COL7A1: variants seen among roughly 807,000 people sequenced by gnomAD.
The protein encoded by COL7A1 is collagen type VII alpha 1 chain.
COL7A1 carries 296 observed loss-of-function variants against 456.2 expected under a neutral mutation model. The ratio of observed to expected loss-of-function variants is 0.65; its 90% CI spans 0.59 to 0.71. The LOEUF (loss-of-function observed/expected upper bound fraction) is 0.71, where lower values mean the gene tolerates loss of function less well. COL7A1 is among the 30% of genes least tolerant of loss of function. The pLI, the probability that COL7A1 is intolerant of heterozygous loss-of-function variation, is 0.00. For synonymous variants in COL7A1, 1,464 were observed against 1,525.9 expected (o/e 0.96, Z 0.95); for missense variants, 3,441 against 4,017.2 (o/e 0.86, Z 3.88).
chr3:48,576,580 G>A, intron 68 of COL7A1, 23 bp from the exon 69 acceptor site: 1 of 1,603,802 alleles, frequency 6.2e-7, no homozygotes, highest in South Asian at 1.1e-5. Flanking sequence ...AGAACACAAA[G>A]GGGTCACAAA....
rs981787346 is a variant in COL7A1, at chr3:48,568,961, G to C, written c.7687-106C>G. The C allele has an allele frequency of 9.0e-6, 10 of 1,107,502 alleles. No homozygotes were observed. The highest frequency in any genetic ancestry group is 1.2e-5 in the Non-Finnish European group (9 of 751,402). The allele number at this position is 1,107,502 out of a possible 1,614,324, so 68.6% of individuals were successfully genotyped here. ...GGCAGAGCTCAAGTCACTCCCGAACGGCCCTAGCAGCACGTCCTCCCAGCC... is the reference window on the plus strand; with the variant it reads ...GGCAGAGCTCAAGTCACTCCCGAACCGCCCTAGCAGCACGTCCTCCCAGCC... On this transcript the variant is annotated intron_variant, in intron 103 of 118. Transcript: ENST00000681320. The surrounding 1 kb of genome is among the most constrained non-coding windows in gnomAD (Gnocchi z 5.2).
Position 48,588,384 on chromosome 3 carries a change from G to T in COL7A1, c.2608C>A (p.Leu870Met). The T allele has an allele frequency of 3.7e-6, 6 of 1,611,314 alleles. No individual in the cohort carries two copies. The highest frequency in any genetic ancestry group is 4.2e-6 in the Non-Finnish European group (5 of 1,179,844). ...CGCTGCACCACGTGAAGCGTCCCCA[G>T]GGCTGGCGGAGCCTCAGGCGCTGGA... ...VTTPPEAPPA[L>M]GTLHVVQRGE... Residue 870 changes from leucine to methionine, a missense_variant, in exon 21 of 119, where the codon CTG becomes ATG. Physicochemically the swap from Leu to Met is conservative, Grantham distance 15 (BLOSUM62 2). Around this residue, in one of 3 missense-constraint regions of COL7A1, gnomAD observed 444 missense variants for 427.6 expected, o/e 1.04. Transcript: ENST00000681320. The surrounding 1 kb of genome is among the most constrained non-coding windows in gnomAD (Gnocchi z 4.6).
Position 48,564,485 on chromosome 3 carries a change from G to C in COL7A1, c.8819-63C>G. 1 of 1,599,700 alleles carries C rather than the reference G, an allele frequency of 6.3e-7. No individual in the cohort carries two copies. The highest frequency in any genetic ancestry group is 8.6e-7 in the Non-Finnish European group (1 of 1,169,050). On this transcript the variant is annotated intron_variant, in intron 118 of 118. Coordinates refer to ENST00000681320, the MANE Select transcript of COL7A1 (RefSeq NM_000094.4). The surrounding 1 kb of genome is among the most constrained non-coding windows in gnomAD (Gnocchi z 6.0). The stretch of plus-strand genomic sequence containing the variant: ...GACCTTCCCCGGAGACGCTCAGGCA[G>C]AGGCACCGCCAAGGGGAGGGAGCGG...
Position 48,571,362 on chromosome 3 carries a change from A to C in COL7A1, c.7069-84T>G. The C allele has an allele frequency of 6.5e-7, 1 of 1,543,582 alleles. No individual in the cohort carries two copies. Among genetic ancestry groups the C allele is most frequent in the Non-Finnish European group, 8.9e-7 (1 of 1,119,874 alleles). Reference sequence around the variant, plus strand: ...CACGGGCTGAAAATATTCCCAGGGGAGTTCTGATGTGACCATGAACACATG... The same window carrying C: ...CACGGGCTGAAAATATTCCCAGGGGCGTTCTGATGTGACCATGAACACATG... On this transcript the variant is annotated intron_variant, in intron 92 of 118. Coordinates refer to ENST00000681320, the MANE Select transcript of COL7A1 (RefSeq NM_000094.4). This position sits in a 1 kb window ranked among gnomAD's most constrained non-coding sequence, Gnocchi z 4.6.
Position 48,586,868 on chromosome 3 carries a change from G to C in COL7A1, c.3276+104C>G. ...AGGTCTGGAGCCTGTGAGAGAGCTG[G>C]GAGAATGCCTGAACCTATTGGGTGG... is the stretch of plus-strand genomic sequence containing the variant. On this transcript the variant is annotated intron_variant, in intron 25 of 118. Coordinates refer to ENST00000681320, the MANE Select transcript of COL7A1 (RefSeq NM_000094.4). The surrounding 1 kb of genome is among the most constrained non-coding windows in gnomAD (Gnocchi z 5.1). 1 of 1,534,840 alleles carries C rather than the reference G, an allele frequency of 6.5e-7. No individual in the cohort carries two copies. The highest frequency in any genetic ancestry group is 1.9e-4 in the Middle Eastern group (1 of 5,284).
In COL7A1 at chr3:48,586,783, C is replaced by CAAACCA; in HGVS notation, c.3277-95_3277-94insTGGTTT. 1 of 1,523,934 alleles carries CAAACCA rather than the reference C, an allele frequency of 6.6e-7. No homozygotes were observed. Among genetic ancestry groups the CAAACCA allele is most frequent in the Non-Finnish European group, 8.9e-7 (1 of 1,126,182 alleles). The allele number at this position is 1,523,934 out of a possible 1,614,324, so 94.4% of individuals were successfully genotyped here. A position where few individuals can be genotyped will look rare whatever the true frequency, so the allele number is the denominator to read the frequency against. On this transcript the variant is annotated intron_variant, in intron 25 of 118. Transcript: ENST00000681320. This position sits in a 1 kb window ranked among gnomAD's most constrained non-coding sequence, Gnocchi z 5.1. ...AGAAACACATCAGGGTGTGTGTGAC[C>CAAACCA]AAACCCTATCTATTAGGGAGTCAGC...
Position 48,576,550 on chromosome 3 carries a change from G to C in COL7A1, c.5708C>G (p.Pro1903Arg). Residue 1903 changes from proline (P) to arginine (R), a missense_variant, in exon 69 of 119, where the codon CCT (proline) becomes CGT (arginine). By Grantham distance (103) the Pro-to-Arg change is moderately radical. Around this residue, in one of 3 missense-constraint regions of COL7A1, gnomAD observed 2,084 missense variants for 2,501.3 expected, o/e 0.83. Transcript: ENST00000681320. Reference sequence around the variant, plus strand: ...GGGGCCCGTGCCTCCTGGGACACCAGGAAAACCCTGAGATACGGCAGAACA... The same window carrying C: ...GGGGCCCGTGCCTCCTGGGACACCACGAAAACCCTGAGATACGGCAGAACA... ...GPVGPPGQGF[P>R]GVPGGTGPKG... 1 of 1,610,118 alleles carries C rather than the reference G, an allele frequency of 6.2e-7. No individual in the cohort carries two copies. Among genetic ancestry groups the C allele is most frequent in the Non-Finnish European group, 8.5e-7 (1 of 1,178,608 alleles).
chr3:48,564,403 G>A lies in COL7A1; in HGVS notation c.*3C>T, dbSNP rs543113748. On this transcript the variant is annotated 3_prime_UTR_variant, in exon 119 of 119. Coordinates refer to ENST00000681320, the MANE Select transcript of COL7A1 (RefSeq NM_000094.4). The surrounding 1 kb of genome is among the most constrained non-coding windows in gnomAD (Gnocchi z 6.0). ...TGCTGAATCTCAGCTCATTATCTGG[G>A]CCTCAGTCCTGGGCAGTACCTGGTG... is the stretch of plus-strand genomic sequence containing the variant. 1 of 1,614,084 alleles carries A rather than the reference G, an allele frequency of 6.2e-7. No individual in the cohort carries two copies. Among genetic ancestry groups the A allele is most frequent in the South Asian group, 1.1e-5 (1 of 91,070 alleles).
In COL7A1 at chr3:48,566,267, C is replaced by T. The variant is rs2043600690; in HGVS notation, c.8407G>A (p.Ala2803Thr). Residue 2803 changes from alanine (A) to threonine (T), a missense_variant and splice_region_variant, in exon 114 of 119, where the codon GCC becomes ACC. Physicochemically the swap from Ala to Thr is moderately conservative, Grantham distance 58. This residue lies in a region of COL7A1 where 2,084 missense variants were observed against 2,501.3 expected (regional missense o/e 0.83). Coordinates refer to ENST00000681320, the MANE Select transcript of COL7A1 (RefSeq NM_000094.4). This position sits in a 1 kb window ranked among gnomAD's most constrained non-coding sequence, Gnocchi z 5.9. The part of the protein sequence containing the change: ...FVRQEMSQHC[A>T]CQGQFIASGS... Reference sequence around the variant, plus strand: ...AGACTGCGGGCTGGGCACCACTCACCACAGTGCTGACTCATCTCTTGGCGC... The same window carrying T: ...AGACTGCGGGCTGGGCACCACTCACTACAGTGCTGACTCATCTCTTGGCGC... 2 of 1,599,380 alleles carry T rather than the reference C, an allele frequency of 1.3e-6. No individual in the cohort carries two copies. The highest frequency in any genetic ancestry group is 1.7e-6 in the Non-Finnish European group (2 of 1,174,148).
chr3:48,584,368 G>A lies in COL7A1; in HGVS notation c.4127C>T (p.Pro1376Leu), dbSNP rs1417163759. Residue 1376 changes from proline (P) to leucine (L), a missense_variant, in exon 37 of 119, where the codon CCT becomes CTT. Around this residue, in one of 3 missense-constraint regions of COL7A1, gnomAD observed 2,084 missense variants for 2,501.3 expected, o/e 0.83. Coordinates refer to ENST00000681320, the MANE Select transcript of COL7A1 (RefSeq NM_000094.4). ...RKGDPGPSGP[P>L]GPRGPLGDPG... ...GTCCCCCAGTGGTCCACGAGGTCCAGGGGGGCCCTGATGGAGGAGACAAAG... is the reference window on the plus strand; with the variant it reads ...GTCCCCCAGTGGTCCACGAGGTCCAAGGGGGCCCTGATGGAGGAGACAAAG... The A allele has an allele frequency of 1.2e-6, 2 of 1,613,494 alleles. No individual in the cohort carries two copies.
rs371699045 is a variant in COL7A1 at position 48,581,359 on chromosome 3, G to A, written c.4819-19C>T. On this transcript the variant is annotated intron_variant, in intron 51 of 118. Transcript: ENST00000681320. The surrounding 1 kb of genome is among the most constrained non-coding windows in gnomAD (Gnocchi z 5.8). ...AGTCACCCTGTGGAGGAGGCAAGAGGGAGGTGATGCAGGACGCTCGAAGCA... is the reference window on the plus strand; with the variant it reads ...AGTCACCCTGTGGAGGAGGCAAGAGAGAGGTGATGCAGGACGCTCGAAGCA... 401 of 1,613,752 alleles carry A rather than the reference G, an allele frequency of 2.5e-4. 4 individuals carry two copies. In the South Asian group the frequency reaches 4.1e-3, roughly 17 times the overall value.
In COL7A1 at chr3:48,573,577, G is replaced by A; in HGVS notation, c.6574-20C>T. The A allele has an allele frequency of 3.7e-6, 6 of 1,614,082 alleles. No homozygotes were observed. The highest frequency in any genetic ancestry group is 5.1e-6 in the Non-Finnish European group (6 of 1,180,006). Reference sequence around the variant, plus strand: ...AAGACCCTAGAGAAAAGGGTCAAGGGCAGGGAACAGGGCTCAGGGATTAAC... The same window carrying A: ...AAGACCCTAGAGAAAAGGGTCAAGGACAGGGAACAGGGCTCAGGGATTAAC... On this transcript the variant is annotated intron_variant, in intron 82 of 118. Coordinates refer to ENST00000681320, the MANE Select transcript of COL7A1 (RefSeq NM_000094.4). This position sits in a 1 kb window ranked among gnomAD's most constrained non-coding sequence, Gnocchi z 5.5.
At position 48,576,576 on chromosome 3, in the gene COL7A1, C is replaced by T. The variant is rs2044316772; in HGVS notation, c.5701-19G>A. 1 of 1,604,444 alleles carries T rather than the reference C, an allele frequency of 6.2e-7. No individual in the cohort carries two copies. The highest frequency in any genetic ancestry group is 8.5e-7 in the Non-Finnish European group (1 of 1,176,156). On this transcript the variant is annotated intron_variant, in intron 68 of 118. Transcript: ENST00000681320. The stretch of plus-strand genomic sequence containing the variant: ...GAAAACCCTGAGATACGGCAGAACA[C>T]AAAGGGGTCACAAAGGCCCATGGCT...
Position 48,590,407 on chromosome 3 carries a change from C to T in COL7A1, c.1907-51G>A, listed in dbSNP as rs773776559. ...TGGCTCCTGCCTGTCCCCTCTGGCA[C>T]CCATACCCTCATTGGTCCCTTTGGC... On this transcript the variant is annotated intron_variant, in intron 15 of 118. Coordinates refer to ENST00000681320, the MANE Select transcript of COL7A1 (RefSeq NM_000094.4). This position sits in a 1 kb window ranked among gnomAD's most constrained non-coding sequence, Gnocchi z 4.6. 1 of 1,614,028 alleles carries T rather than the reference C, an allele frequency of 6.2e-7. No homozygotes were observed. The highest frequency in any genetic ancestry group is 8.5e-7 in the Non-Finnish European group (1 of 1,179,974).
rs746613818 is a variant in COL7A1, at chr3:48,580,565, A to C, written c.5052+16T>G. On this transcript the variant is annotated intron_variant, in intron 55 of 118. Coordinates refer to ENST00000681320, the MANE Select transcript of COL7A1 (RefSeq NM_000094.4). This position sits in a 1 kb window ranked among gnomAD's most constrained non-coding sequence, Gnocchi z 4.5. ...AGGGTTAAGGTTGGGGTGAGGAGTCATAGGCTGGGACTCACATTTCGTCCA... is the reference window on the plus strand; with the variant it reads ...AGGGTTAAGGTTGGGGTGAGGAGTCCTAGGCTGGGACTCACATTTCGTCCA... 1 of 1,613,254 alleles carries C rather than the reference A, an allele frequency of 6.2e-7. No homozygotes were observed. The highest frequency in any genetic ancestry group is 8.5e-7 in the Non-Finnish European group (1 of 1,179,448).
chr3:48,580,350 G>A lies in COL7A1; in HGVS notation c.5053-6C>T. The A allele has an allele frequency of 6.2e-7, 1 of 1,608,814 alleles. No individual in the cohort carries two copies. The highest frequency in any genetic ancestry group is 1.1e-5 in the South Asian group (1 of 90,130). ...CCAGATGATCCAGGGCTGCCCTGCA[G>A]AAAGGCAGGGGTCAGGGCCACTCAA... is the stretch of plus-strand genomic sequence containing the variant. On this transcript the variant is annotated splice_region_variant and splice_polypyrimidine_tract_variant and intron_variant, in intron 55 of 118. Coordinates refer to ENST00000681320, the MANE Select transcript of COL7A1 (RefSeq NM_000094.4). This position sits in a 1 kb window ranked among gnomAD's most constrained non-coding sequence, Gnocchi z 4.5.
chr3:48,569,692 C>T lies in COL7A1; in HGVS notation c.7557+33G>A. On this transcript the variant is annotated intron_variant, in intron 101 of 118. Transcript: ENST00000681320. The surrounding 1 kb of genome is among the most constrained non-coding windows in gnomAD (Gnocchi z 4.9). ...ATCAGAGGAGTCGGGAGCACCCTGG[C>T]CCCTGCCCTGCCCTCCCCATGCCCA... 1 of 1,614,104 alleles carries T rather than the reference C, an allele frequency of 6.2e-7. No individual in the cohort carries two copies. Among genetic ancestry groups the T allele is most frequent in the Non-Finnish European group, 8.5e-7 (1 of 1,179,992 alleles).
rs562521065 is a variant in COL7A1 at position 48,581,624 on chromosome 3, G to A, written c.4731C>T (p.Pro1577=). Residue 1577 remains proline (P), a synonymous_variant, in exon 50 of 119, where the codon CCC becomes CCT. Transcript: ENST00000681320. This position sits in a 1 kb window ranked among gnomAD's most constrained non-coding sequence, Gnocchi z 5.8. ...CAGGGTCTCCAGGAAGAACCAAGCCGGGTGGGCCCTGTGGATGGAAGGATA... is the reference window on the plus strand; with the variant it reads ...CAGGGTCTCCAGGAAGAACCAAGCCAGGTGGGCCCTGTGGATGGAAGGATA... ...ATGVQGERGP[P]GLVLPGDPGP... is the part of the protein sequence containing the mutation. 22 of 1,614,182 alleles carry A rather than the reference G, an allele frequency of 1.4e-5. No individual in the cohort carries two copies. The highest frequency in any genetic ancestry group is 1.1e-4 in the South Asian group (10 of 91,084).
At position 48,567,468 on chromosome 3, in the gene COL7A1, C is replaced by T. The variant is rs1313024033; in HGVS notation, c.8046+106G>A. 2.6e-6 allele frequency: 4 copies of T among 1,523,042 alleles called. No homozygotes were observed. Among genetic ancestry groups the T allele is most frequent in the Non-Finnish European group, 3.6e-6 (4 of 1,099,276 alleles). 94.3% of individuals were successfully genotyped at this position (1,523,042 alleles called of 1,614,324 possible). A position where few individuals can be genotyped will look rare whatever the true frequency, so the allele number is the denominator to read the frequency against. On this transcript the variant is annotated intron_variant, in intron 109 of 118. Transcript: ENST00000681320. This position sits in a 1 kb window ranked among gnomAD's most constrained non-coding sequence, Gnocchi z 4.3. ...CAGCCCCACTTCAGCCCCCAAAGTC[C>T]CAACCCTCTACAGCCTTCCTTGTCC...
Sources: gnomAD v4.1 joint callset for allele counts on GRCh38, gnomAD v4.1.1 for gene constraint, gnomAD v4.1.1 regional missense constraint, Gnocchi (gnomAD v3.1) non-coding constraint, MANE v1.5 for transcripts, NCBI Gene and HGNC (gene_info 2026-07-23, HGNC 2026-07-21) for gene names.